Variants in ZNF875 observed in about 807,000 individuals in gnomAD.
ZNF875 encodes the protein HKR1, GLI-Kruppel zinc finger family member.
ZNF875 carries 14 observed loss-of-function variants against 11.2 expected under a neutral mutation model. The observed-to-expected ratio is 1.26, with a 90% CI of 0.83 to 1.96. ZNF875 has a LOEUF of 1.96. ZNF875 is among the 30% of genes most tolerant of loss of function. ZNF875 has a pLI of 0.00. For missense variants in ZNF875, 752 were observed against 760.4 expected, an observed-to-expected ratio of 0.99 and a Z score of 0.13; for synonymous variants, 301 against 281.1, an observed-to-expected ratio of 1.07 and a Z score of -0.71.
intron 4 of ZNF875, among the ~76,000 whole-genome samples, chr19:37,355,429 C>T (rs551776043): frequency 4.6e-5 from 7 of 152,176 alleles, no homozygotes; most frequent in Non-Finnish European, 1.0e-4. Flanking sequence ...ACCTCATGAT[C>T]TGCTCACCTC....
intron 1 of ZNF875, among the ~76,000 whole-genome samples, chr19:37,320,434 G>A (rs1312618751): frequency 6.6e-6 from 1 of 152,224 alleles, no homozygotes. Context: ...AGTTCCCAGT[G>A]ATGATGTGCT....
intron 4 of ZNF875, among the ~76,000 whole-genome samples, chr19:37,361,063 T>C (rs948389635): frequency 6.6e-6 from 1 of 151,718 alleles, no homozygotes; most frequent in African/African-American, 2.4e-5. Flanking sequence ...TCCTTTCTAG[T>C]TAAGATGCCT....
At chr19:37,334,477 G>C, upstream of ZNF875, 1 of 322,044 alleles carries the variant, frequency 3.1e-6, no homozygotes, top group South Asian at 2.3e-5. Flanking sequence ...GGCATCTTAA[G>C]AGTGGGTTCG....
At chr19:37,339,569 C>CA (rs2035258247) in intron 2 of ZNF875, among the ~76,000 whole-genome samples, 1 of 96,172 alleles carries the variant, frequency 1.0e-5, no homozygotes, top group Admixed American at 1.4e-4. Context: ...TTTTTTGAGA[C>CA]AGAGTCTCGC....
At position 37,338,650 on chromosome 19, in the gene ZNF875, T is replaced by C. The variant is rs75900821; in HGVS notation, c.33+3393T>C. 2.9e-3 allele frequency among the ~76,000 whole-genome samples: 441 copies of C among 152,366 alleles called. 11 individuals carry two copies. In the East Asian group the frequency reaches 0.068, roughly 23 times the overall value. On this transcript the variant is annotated intron_variant, in intron 2 of 4. Coordinates refer to ENST00000392153, the MANE Select transcript of ZNF875 (RefSeq NM_001353803.2). ...AAATTAAAGGGCATGAGCATTTAAA[T>C]AGTTGTTTAAGATGAAACCTCTGTG...
At chr19:37,319,698 A>G (rs2030973932) in intron 1 of ZNF875, among the ~76,000 whole-genome samples, 1 of 152,156 alleles carries the variant, frequency 6.6e-6, no homozygotes, top group East Asian at 1.9e-4. Context: ...CTGACCCTCA[A>G]TCCGTTACTC....
Position 37,363,518 on chromosome 19 carries a change from C to T in ZNF875, c.1666C>T (p.His556Tyr). Residue 556 changes from histidine to tyrosine, a missense_variant, in exon 5 of 5, where the codon CAC becomes TAC. Transcript: ENST00000392153. ...KPNLFRHKRA[H>Y]SGAFVCRECG... ...TAACCTGTTTAGGCACAAGAGGGCA[C>T]ACTCAGGTGCCTTTGTGTGCAGGGA... 1.2e-6 allele frequency: 2 copies of T among 1,612,948 alleles called. No individual in the cohort carries two copies. Among genetic ancestry groups the T allele is most frequent in the South Asian group, 2.2e-5 (2 of 90,966 alleles).
chr19:37,330,124 A>G (rs1441660725), upstream of ZNF875, among the ~76,000 whole-genome samples: 19 of 151,912 alleles, frequency 1.3e-4, no homozygotes, highest in Admixed American at 1.2e-3. Flanking sequence ...TATTTTTTCA[A>G]TTTTTTTCTG....
At chr19:37,334,976 C>G in intron 1 of ZNF875, 193 bp from the exon 2 acceptor site, 1 of 518,578 alleles carries the variant, frequency 1.9e-6, no homozygotes, top group South Asian at 1.9e-5. Flanking sequence ...GGGCTTCACT[C>G]CCTGTCCCGA....
upstream of ZNF875, among the ~76,000 whole-genome samples, chr19:37,332,688 C>T (rs1243924338): frequency 6.6e-6 from 1 of 152,186 alleles, no homozygotes; most frequent in Non-Finnish European, 1.5e-5. Context: ...GTTTGTATGG[C>T]TTTTAATTTC....
At chr19:37,361,926 A>AC in intron 4 of ZNF875, 183 bp from the exon 5 acceptor site, 9 of 170,646 alleles carry the variant, frequency 5.3e-5, no homozygotes, top group South Asian at 1.2e-4. Flanking sequence ...AAAAAAAAAC[A>AC]AAAAAACAAA....
At chr19:37,339,895 T>G (rs1432322179) in intron 2 of ZNF875, among the ~76,000 whole-genome samples, 1 of 152,058 alleles carries the variant, frequency 6.6e-6, no homozygotes, top group Non-Finnish European at 1.5e-5. Flanking sequence ...GAATTTGAAC[T>G]TCCAATTACT....
chr19:37,355,921 CT>C (rs1198738796), intron 4 of ZNF875, among the ~76,000 whole-genome samples: 6 of 152,118 alleles, frequency 3.9e-5, no homozygotes, highest in African/African-American at 1.4e-4. Context: ...TTTTTCAGCC[CT>C]TACCTCCATC....
chr19:37,335,051 T>A, intron 1 of ZNF875, 118 bp from the exon 2 acceptor site: 2 of 583,552 alleles, frequency 3.4e-6, no homozygotes, highest in Non-Finnish European at 6.3e-6. Flanking sequence ...AATTGGCTGC[T>A]CTGGTGATTT....
chr19:37,332,965 A>G (rs777127833), upstream of ZNF875, among the ~76,000 whole-genome samples: 13 of 152,200 alleles, frequency 8.5e-5, no homozygotes, highest in Non-Finnish European at 1.6e-4. Flanking sequence ...CTGAGTAACT[A>G]TCACCTTTCA....
intron 4 of ZNF875, among the ~76,000 whole-genome samples, chr19:37,358,823 C>T (rs886371773): frequency 2.7e-5 from 4 of 150,540 alleles, no homozygotes; most frequent in Non-Finnish European, 5.9e-5. Flanking sequence ...CTGGCCAGTT[C>T]TCACTTTTTA....
chr19:37,339,324 C>G (rs541088842), intron 2 of ZNF875, among the ~76,000 whole-genome samples: 47 of 152,168 alleles, frequency 3.1e-4, no homozygotes, highest in Non-Finnish European at 5.0e-4. Context: ...AAAATAATTT[C>G]CATAGTAATC....
chr19:37,343,370 C>CAAA (rs34474063), intron 2 of ZNF875, among the ~76,000 whole-genome samples: 119 of 120,994 alleles, frequency 9.8e-4, no homozygotes, highest in Admixed American at 4.6e-3. Context: ...AAAATAAAAC[C>CAAA]AAAAAAAAAA....
At chr19:37,344,686 T>C in intron 2 of ZNF875, 1 of 1,613,844 alleles carries the variant, frequency 6.2e-7, no homozygotes. Context: ...GAGTGAATCA[T>C]GAGGGTCAAC....
Sources: gnomAD v4.1 joint callset for allele counts (sites outside exome capture counted in the v4.1 genomes callset) on GRCh38, gnomAD v4.1.1 for gene constraint, MANE v1.5 for transcripts, NCBI Gene and HGNC (gene_info 2026-07-23, HGNC 2026-07-21) for gene names.